Variants in C3orf18 observed in about 807,000 individuals in gnomAD.
The protein encoded by C3orf18 is uncharacterized protein C3orf18.
C3orf18 carries 12 observed loss-of-function variants against 14.1 expected under a neutral mutation model. The ratio of observed to expected loss-of-function variants is 0.85; its 90% confidence interval spans 0.55 to 1.38. The LOEUF (loss-of-function observed/expected upper bound fraction) is 1.38, where lower values mean the gene tolerates loss of function less well. Among genes scored for constraint, C3orf18 ranks in the 40% most tolerant of loss-of-function variants. The pLI is 0.00. For missense variants in C3orf18, 196 were observed against 213.9 expected (o/e 0.92, Z 0.52); for synonymous variants, 82 against 87.9 (o/e 0.93, Z 0.38).
chr3:50,573,302 G>A (rs1701223235), upstream of C3orf18, among the ~76,000 whole-genome samples: 1 of 152,240 alleles, frequency 6.6e-6, no homozygotes, highest in African/African-American at 2.4e-5. Flanking sequence ...GGATTGGCAT[G>A]ACCTAGGACA....
In C3orf18 at chr3:50,565,606, AG is replaced by A; in HGVS notation, c.93del (p.Ser32ProfsTer40). 1 of 1,613,828 alleles carries A rather than the reference AG, an allele frequency of 6.2e-7. No individual in the cohort carries two copies. The highest frequency in any genetic ancestry group is 8.5e-7 in the Non-Finnish European group (1 of 1,179,988). On this transcript the variant is annotated frameshift_variant, in exon 3 of 6. Coordinates refer to ENST00000357203, the MANE Select transcript of C3orf18 (RefSeq NM_016210.5). LOFTEE classifies it high-confidence loss of function. This position sits in a 1 kb window ranked among gnomAD's most constrained non-coding sequence, Gnocchi z 4.4. Reference sequence around the variant, plus strand: ...TCTGGGCTGAGGGTAGTGGTCTCGGAGGCTGGCCCATCTGTGGCAGGTTCCA... The same window carrying A: ...TCTGGGCTGAGGGTAGTGGTCTCGGAGCTGGCCCATCTGTGGCAGGTTCCA... ...SDLEPATDGP[A>X]SETTTLSPEA... is the part of the protein sequence containing the mutation.
At position 50,558,746 on chromosome 3, in the gene C3orf18, G is replaced by C; in HGVS notation, c.*911C>G. The C allele has an allele frequency of 7.8e-7, 1 of 1,289,820 alleles. No homozygotes were observed. Among genetic ancestry groups the C allele is most frequent in the Non-Finnish European group, 1.0e-6 (1 of 988,860 alleles). 79.9% of individuals were successfully genotyped at this position (1,289,820 alleles called of 1,614,324 possible). A position where few individuals can be genotyped will look rare whatever the true frequency, so the allele number is the denominator to read the frequency against. On this transcript the variant is annotated 3_prime_UTR_variant, in exon 6 of 6. Coordinates refer to ENST00000357203, the MANE Select transcript of C3orf18 (RefSeq NM_016210.5). ...AGTGGAGAGAGGAACCGTGCTGTGC[G>C]TGCTTCCCTCTTCCCTGCAGTCCCT...
upstream of C3orf18, chr3:50,570,710 G>A (rs1700854627): frequency 1.2e-5 from 2 of 165,198 alleles, no homozygotes; most frequent in African/African-American, 4.8e-5. Flanking sequence ...CCACCAACCC[G>A]TTTATTAGCA....
At chr3:50,562,610 A>G (rs1346892848) in intron 3 of C3orf18, 1 of 454,384 alleles carries the variant, frequency 2.2e-6, no homozygotes, top group East Asian at 7.0e-5. Flanking sequence ...AAAAAGAACC[A>G]GAGACAGGCA....
In C3orf18 at chr3:50,565,386, AC is replaced by A. The variant is rs1700230057; in HGVS notation, c.234+79del. ...TGTCTCAAAAACAACAATAACAACAACCAGATTGTCTTCTGATTGATTAGGT... is the reference window on the plus strand; with the variant it reads ...TGTCTCAAAAACAACAATAACAACAACAGATTGTCTTCTGATTGATTAGGT... On this transcript the variant is annotated intron_variant, in intron 3 of 5. Coordinates refer to ENST00000357203, the MANE Select transcript of C3orf18 (RefSeq NM_016210.5). This position sits in a 1 kb window ranked among gnomAD's most constrained non-coding sequence, Gnocchi z 4.4. 1 of 1,105,172 alleles carries A rather than the reference AC, an allele frequency of 9.0e-7. No individual in the cohort carries two copies. Among genetic ancestry groups the A allele is most frequent in the Non-Finnish European group, 1.3e-6 (1 of 749,824 alleles). The allele number at this position is 1,105,172 out of a possible 1,614,324, so 68.5% of individuals were successfully genotyped here. A position where few individuals can be genotyped will look rare whatever the true frequency, so the allele number is the denominator to read the frequency against.
rs753913407 is a variant in C3orf18 at position 50,561,793 on chromosome 3, G to A, written c.235-46C>T. 1.2e-5 allele frequency: 19 copies of A among 1,608,618 alleles called. No homozygotes were observed. In the South Asian group the frequency reaches 1.9e-4, roughly 16 times the overall value. On this transcript the variant is annotated intron_variant, in intron 3 of 5. Coordinates refer to ENST00000357203, the MANE Select transcript of C3orf18 (RefSeq NM_016210.5). ...TCAAATGGCAAGGAGAGGAGGCCCT[G>A]AGGAACCCAGCAGCCCTTCTGGATG...
At position 50,561,746 on chromosome 3, in the gene C3orf18, A is replaced by G. The variant is rs1699981980; in HGVS notation, c.236T>C (p.Val79Ala). Residue 79 changes from valine (V) to alanine (A), a missense_variant and splice_region_variant, in exon 4 of 6, where the codon GTT becomes GCT. Physicochemically the swap from Val to Ala is moderately conservative, Grantham distance 64 (BLOSUM62 0). Coordinates refer to ENST00000357203, the MANE Select transcript of C3orf18 (RefSeq NM_016210.5). Reference protein sequence around the residue: ...ITVIGLAVALVLYIRKKKRLE... With the variant: ...ITVIGLAVALALYIRKKKRLE... ...CCTCTTCTTCTTCCTGATGTACAAAACCTGCAAGAGAAGGAGCAGCATCAA... is the reference window on the plus strand; with the variant it reads ...CCTCTTCTTCTTCCTGATGTACAAAGCCTGCAAGAGAAGGAGCAGCATCAA... The G allele has an allele frequency of 1.9e-6, 3 of 1,613,672 alleles. No homozygotes were observed. The highest frequency in any genetic ancestry group is 2.5e-6 in the Non-Finnish European group (3 of 1,180,008).
chr3:50,560,811 T>A, intron 5 of C3orf18, 106 bp downstream of exon 5: 1 of 1,266,316 alleles, frequency 7.9e-7, no homozygotes, highest in Middle Eastern at 2.8e-4. Flanking sequence ...ATACCTGCCA[T>A]CTGACCACAA....
Position 50,559,521 on chromosome 3 carries a change from C to G in C3orf18, c.*136G>C, listed in dbSNP as rs910143838. 9.1e-6 allele frequency: 13 copies of G among 1,432,984 alleles called. No homozygotes were observed. Among genetic ancestry groups the G allele is most frequent in the Middle Eastern group, 1.8e-4 (1 of 5,490 alleles). The allele number at this position is 1,432,984 out of a possible 1,614,324, so 88.8% of individuals were successfully genotyped here. On this transcript the variant is annotated 3_prime_UTR_variant, in exon 6 of 6. Transcript: ENST00000357203. Reference sequence around the variant, plus strand: ...AAAGTCAGCAGGTGGGTCTGGAGAACAGCTAGGACCTGGCTCAGCCCTCTT... The same window carrying G: ...AAAGTCAGCAGGTGGGTCTGGAGAAGAGCTAGGACCTGGCTCAGCCCTCTT...
At chr3:50,561,858 C>T (rs1008181671) in intron 3 of C3orf18, 111 bp from the exon 4 acceptor site, 2 of 1,112,538 alleles carry the variant, frequency 1.8e-6, no homozygotes, top group South Asian at 1.3e-5. Context: ...CCCGTGGGTC[C>T]CCGTCCTAAT....
chr3:50,567,738 A>T lies in C3orf18; in HGVS notation c.-527T>A, dbSNP rs377322966. The stretch of plus-strand genomic sequence containing the variant: ...GCCGAGCAGCCTCGGGGGATCCCCG[A>T]AGCTACAGCGCCTTGCCTCCCTGCA... On this transcript the variant is annotated 5_prime_UTR_variant, in exon 1 of 6. Coordinates refer to ENST00000357203, the MANE Select transcript of C3orf18 (RefSeq NM_016210.5). The T allele has an allele frequency of 4.3e-3, 650 of 152,426 alleles. 8 individuals are homozygous for T. Among genetic ancestry groups the T allele is most frequent in the African/African-American group, 0.013 (551 of 41,596 alleles). 9.4% of individuals were successfully genotyped at this position (152,426 alleles called of 1,614,324 possible).
At position 50,559,333 on chromosome 3, in the gene C3orf18, A is replaced by G; in HGVS notation, c.*324T>C. 1 of 1,273,744 alleles carries G rather than the reference A, an allele frequency of 7.9e-7. No homozygotes were observed. The highest frequency in any genetic ancestry group is 1.0e-6 in the Non-Finnish European group (1 of 996,490). The allele number at this position is 1,273,744 out of a possible 1,614,324, so 78.9% of individuals were successfully genotyped here. On this transcript the variant is annotated 3_prime_UTR_variant, in exon 6 of 6. Transcript: ENST00000357203. ...GTATCTCCCTCATTTCCTCCACATT[A>G]GCGGGGCAGACCCTGATGTGAGGGA... is the stretch of plus-strand genomic sequence containing the variant.
At chr3:50,562,824 A>G (rs1280144345) in intron 3 of C3orf18, among the ~76,000 whole-genome samples, 1 of 152,176 alleles carries the variant, frequency 6.6e-6, no homozygotes, top group Non-Finnish European at 1.5e-5. Flanking sequence ...CCGGTCCCCC[A>G]TTGTACAACC....
Position 50,565,088 on chromosome 3 carries a change from C to T in C3orf18, c.234+378G>A, listed in dbSNP as rs1019829853. On this transcript the variant is annotated intron_variant, in intron 3 of 5. Coordinates refer to ENST00000357203, the MANE Select transcript of C3orf18 (RefSeq NM_016210.5). This position sits in a 1 kb window ranked among gnomAD's most constrained non-coding sequence, Gnocchi z 4.4. ...TGCACTCTCATTAATAGATTGTTGG[C>T]GGGCACAGAGGCTCATGTCTGTAAT... Among the ~76,000 whole-genome samples the T allele has an allele frequency of 6.6e-6, 1 of 152,126 alleles. No homozygotes were observed. The highest frequency in any genetic ancestry group is 1.5e-5 in the Non-Finnish European group (1 of 68,030).
chr3:50,572,343 CTCTCTGACTGTGT>C, upstream of C3orf18: 1 of 860,400 alleles, frequency 1.2e-6, no homozygotes, highest in Non-Finnish European at 1.8e-6. Flanking sequence ...CATGTATTTC[CTCTCTGACTGTGT>C]TGGCAGAGCC....
chr3:50,571,651 A>G (rs1283949071), upstream of C3orf18: 3 of 1,483,674 alleles, frequency 2.0e-6, no homozygotes, highest in African/African-American at 2.8e-5. Flanking sequence ...CACATAAGAC[A>G]CCTGGGTTGG....
At chr3:50,570,829 G>A, upstream of C3orf18, 1 of 347,624 alleles carries the variant, frequency 2.9e-6, no homozygotes, top group Middle Eastern at 7.5e-4. Flanking sequence ...TGGAGTCAAG[G>A]GGGTGTCAGA....
intron 1 of C3orf18, among the ~76,000 whole-genome samples, chr3:50,566,684 C>T (rs2107307176): frequency 6.6e-6 from 1 of 152,106 alleles, no homozygotes; most frequent in East Asian, 1.9e-4. Context: ...CGGGGCTTCT[C>T]CGCAGGCTCT....
Position 50,558,896 on chromosome 3 carries a change from C to CATGTCTGCCCATGGGCACACTCAT in C3orf18, c.*737_*760dup, listed in dbSNP as rs1559432906. The CATGTCTGCCCATGGGCACACTCAT allele has an allele frequency of 1.6e-6, 2 of 1,289,564 alleles. No homozygotes were observed. Among genetic ancestry groups the CATGTCTGCCCATGGGCACACTCAT allele is most frequent in the Admixed American group, 4.6e-5 (2 of 43,550 alleles). 79.9% of individuals were successfully genotyped at this position (1,289,564 alleles called of 1,614,324 possible). A position where few individuals can be genotyped will look rare whatever the true frequency, so the allele number is the denominator to read the frequency against. On this transcript the variant is annotated 3_prime_UTR_variant, in exon 6 of 6. Transcript: ENST00000357203. ...TCTGCCCGCTGTGCTGGGACAGGCA[C>CATGTCTGCCCATGGGCACACTCAT]ATGTCTGCCCATGGGCACACTCATG... is the stretch of plus-strand genomic sequence containing the variant.
Sources: gnomAD v4.1 joint callset for allele counts (sites outside exome capture counted in the v4.1 genomes callset) on GRCh38, gnomAD v4.1.1 for gene constraint, Gnocchi (gnomAD v3.1) non-coding constraint, MANE v1.5 for transcripts, NCBI Gene and HGNC (gene_info 2026-07-23, HGNC 2026-07-21) for gene names.